The following ELOA2 variants were observed in gnomAD, a reference collection of about 807,000 sequenced individuals.
The protein encoded by ELOA2 is elongin A2, also known as elongin-A2.
For missense variants in ELOA2, 1,271 were observed against 979.7 expected (o/e 1.30, Z -3.97); for synonymous variants, 497 against 398.8 (o/e 1.25, Z -2.94).
Position 47,033,344 on chromosome 18 carries a change from T to C in ELOA2, c.1921A>G (p.Met641Val). The C allele has an allele frequency of 6.2e-7, 1 of 1,613,978 alleles. No homozygotes were observed. Among genetic ancestry groups the C allele is most frequent in the African/African-American group, 1.3e-5 (1 of 75,048 alleles). Residue 641 changes from methionine to valine, a missense_variant, in exon 1 of 1, where the codon ATG becomes GTG. By Grantham distance (21) the Met-to-Val change is conservative (BLOSUM62 1). Coordinates refer to ENST00000332567, the MANE Select transcript of ELOA2 (RefSeq NM_016427.3). ...TTGGCCACAGATTTGAAACAGATCA[T>C]CTTTGCCTCTCTGCCGTTGGGGTTG... ...GNNPNGREAK[M>V]ICFKSVAKTP...
chr18:47,033,781 G>A lies in ELOA2; in HGVS notation c.1484C>T (p.Pro495Leu), dbSNP rs1017205498. The A allele has an allele frequency of 6.2e-7, 1 of 1,614,234 alleles. No homozygotes were observed. The highest frequency in any genetic ancestry group is 8.5e-7 in the Non-Finnish European group (1 of 1,180,044). Residue 495 changes from proline to leucine, a missense_variant, in exon 1 of 1, where the codon CCA becomes CTA. Coordinates refer to ENST00000332567, the MANE Select transcript of ELOA2 (RefSeq NM_016427.3). ...SQAKPEALSS[P>L]KFREEAAFPG... ...GAAAGCAGCTTCCTCCCGGAACTTTGGTGAAGAGAGTGCTTCTGGCTTTGC... is the reference window on the plus strand; with the variant it reads ...GAAAGCAGCTTCCTCCCGGAACTTTAGTGAAGAGAGTGCTTCTGGCTTTGC...
chr18:47,033,718 G>T, the ELOA2 span: 2 of 1,614,186 alleles, frequency 1.2e-6, no homozygotes, highest in South Asian at 2.2e-5. Context: ...CCTGGAGCCC[G>T]AGTACACCGG....
In ELOA2 at chr18:47,034,020, G is replaced by T. The variant is rs767658717; in HGVS notation, c.1245C>A (p.Asn415Lys). 1.9e-6 allele frequency: 3 copies of T among 1,614,158 alleles called. 1 individual carries two copies. The South Asian group carries it at 3.3e-5, about 18-fold the overall frequency. The change falls in exon 1 of 1, where the codon AAC (asparagine) becomes AAA (lysine). Residue 415 changes from asparagine to lysine, a missense_variant. Asn to Lys is a moderately conservative substitution (Grantham distance 94, BLOSUM62 0). Coordinates refer to ENST00000332567, the MANE Select transcript of ELOA2 (RefSeq NM_016427.3). ...AGGACTCACGAGTGCCCTTGGATTC[G>T]TTTGCTTTCCTTTGTTTATCTCCAA... The part of the protein sequence containing the change: ...TALGDKQRKA[N>K]ESKGTRESWD...
Position 47,034,182 on chromosome 18 carries a change from C to T in ELOA2, c.1083G>A (p.Val361=), listed in dbSNP as rs148463243. The T allele has an allele frequency of 8.4e-5, 135 of 1,614,168 alleles. No individual in the cohort carries two copies. Among genetic ancestry groups the T allele is most frequent in the Non-Finnish European group, 1.0e-4 (118 of 1,179,996 alleles). ...PPTAHLDRTS[V]SSLSEVEEVD... is the part of the protein sequence containing the mutation. ...CCTCCTCCACCTCAGAGAGGGAGCT[C>T]ACGGACGTTCTGTCCAAATGAGCAG... is the stretch of plus-strand genomic sequence containing the variant. Residue 361 remains valine, a synonymous_variant, in exon 1 of 1, where the codon GTG becomes GTA. Coordinates refer to ENST00000332567, the MANE Select transcript of ELOA2 (RefSeq NM_016427.3).
chr18:47,035,008 C>T lies in ELOA2; in HGVS notation c.257G>A (p.Gly86Asp), dbSNP rs200315582. Residue 86 changes from glycine to aspartate, a missense_variant, in exon 1 of 1, where the codon GGC becomes GAC. Transcript: ENST00000332567. ...AGCGCTCTCCTCAGGGTCCTGTGGG[C>T]CAGGCCGGGTGTTTCGGTCCACGAG... ...LVLVDRNTRP[G>D]PQDPEESASR... 284 of 1,611,276 alleles carry T rather than the reference C, an allele frequency of 1.8e-4. 2 individuals carry two copies. In the African/African-American group the frequency reaches 2.7e-3, roughly 15 times the overall value.
In ELOA2 at chr18:47,034,981, G is replaced by T. The variant is rs1569056446; in HGVS notation, c.284C>A (p.Ser95Tyr). 2.5e-6 allele frequency: 4 copies of T among 1,611,640 alleles called. No individual in the cohort carries two copies. Among genetic ancestry groups the T allele is most frequent in the Admixed American group, 1.7e-5 (1 of 59,996 alleles). Residue 95 changes from serine (S) to tyrosine (Y), a missense_variant, in exon 1 of 1, where the codon TCC (serine) becomes TAC (tyrosine). Transcript: ENST00000332567. Reference sequence around the variant, plus strand: ...AAGAGCCTCCCCGAAGCGCTGTCGGGAAGCGCTCTCCTCAGGGTCCTGTGG... The same window carrying T: ...AAGAGCCTCCCCGAAGCGCTGTCGGTAAGCGCTCTCCTCAGGGTCCTGTGG... ...PGPQDPEESA[S>Y]RQRFGEALQD...
In ELOA2 at chr18:47,033,515, A is replaced by C. The variant is rs1441056731; in HGVS notation, c.1750T>G (p.Leu584Val). The C allele has an allele frequency of 7.4e-6, 12 of 1,614,000 alleles. No homozygotes were observed. The highest frequency in any genetic ancestry group is 8.5e-6 in the Non-Finnish European group (10 of 1,180,010). The change falls in exon 1 of 1, where the codon TTA becomes GTA. Residue 584 changes from leucine to valine, a missense_variant. Physicochemically the swap from Leu to Val is conservative, Grantham distance 32. Transcript: ENST00000332567. ...TCCTGGAAACAATGATTCCTCCGTA[A>C]TTCGTCTGTCTCTCTAACGAGTGCG... ...NHALVRETDE[L>V]RRNHCFQDFK...
At position 47,035,344 on chromosome 18, in the gene ELOA2, G is replaced by A; in HGVS notation, c.-80C>T. On this transcript the variant is annotated 5_prime_UTR_variant, in exon 1 of 1. Transcript: ENST00000332567. ...GGCTGCGGGACAGGAAGTCTGGGGT[G>A]GCCGGTCCTCGCTGCCCGGTCGCCA... is the stretch of plus-strand genomic sequence containing the variant. 1 of 1,601,772 alleles carries A rather than the reference G, an allele frequency of 6.2e-7. No homozygotes were observed. The highest frequency in any genetic ancestry group is 8.5e-7 in the Non-Finnish European group (1 of 1,173,452).
rs1293564294 is a variant in ELOA2, at chr18:47,033,547, T to C, written c.1718A>G (p.Asp573Gly). Reference protein sequence around the residue: ...RPDQLYRRKKDNHALVRETDE... With the variant: ...RPDQLYRRKKGNHALVRETDE... ...TGTCTCTCTAACGAGTGCGTGATTG[T>C]CTTTCTTTCTGCGATACAGCTGATC... The change falls in exon 1 of 1, where the codon GAC (aspartate) becomes GGC (glycine). Residue 573 changes from aspartate (D) to glycine (G), a missense_variant. Physicochemically the swap from Asp to Gly is moderately conservative, Grantham distance 94 (BLOSUM62 -1). Transcript: ENST00000332567. The C allele has an allele frequency of 6.2e-7, 1 of 1,612,552 alleles. No individual in the cohort carries two copies. The highest frequency in any genetic ancestry group is 1.7e-5 in the Admixed American group (1 of 60,024).
chr18:47,032,663 GA>G lies in ELOA2; in HGVS notation c.*339del, dbSNP rs60364237. On this transcript the variant is annotated 3_prime_UTR_variant, in exon 1 of 1. Transcript: ENST00000332567. ...AAGAAGTTCTTATCTACTTGATTTCGAAAAAAAAAAGAAAGGAAAAAGGAAA... is the reference window on the plus strand; with the variant it reads ...AAGAAGTTCTTATCTACTTGATTTCGAAAAAAAAAGAAAGGAAAAAGGAAA... The G allele has an allele frequency of 0.053, 17,490 of 328,850 alleles. 466 individuals are homozygous for G. Among genetic ancestry groups the G allele is most frequent in the Non-Finnish European group, 0.069 (12,446 of 181,596 alleles). 20.4% of individuals were successfully genotyped at this position (328,850 alleles called of 1,614,324 possible). A position where few individuals can be genotyped will look rare whatever the true frequency, so the allele number is the denominator to read the frequency against.
the ELOA2 span, chr18:47,034,098 G>C: frequency 6.2e-7 from 1 of 1,614,198 alleles, no homozygotes; most frequent in Non-Finnish European, 8.5e-7. Flanking sequence ...GCAACTGATC[G>C]TAGGTGAGGT....
chr18:47,035,382 G>A lies in ELOA2; in HGVS notation c.-118C>T. On this transcript the variant is annotated 5_prime_UTR_variant, in exon 1 of 1. An upstream open reading frame in the 5' UTR gains an earlier in-frame stop. Transcript: ENST00000332567. ...TGCCCGGTCGCCAGGCAGCGACCTC[G>A]GGATGTGGAGTCACAGCCTGGAGCG... 1 of 1,540,752 alleles carries A rather than the reference G, an allele frequency of 6.5e-7. No individual in the cohort carries two copies. The highest frequency in any genetic ancestry group is 8.7e-7 in the Non-Finnish European group (1 of 1,144,044).
Position 47,034,636 on chromosome 18 carries a change from C to T in ELOA2, c.629G>A (p.Gly210Asp), listed in dbSNP as rs201942488. The stretch of plus-strand genomic sequence containing the variant: ...TTTCCCCTGGGGTTGGCCCTGGCAG[C>T]CTGGACACAGCAGAGGCCCGCCCTG... ...AAQGGPLLCP[G>D]CQGQPQGKAV... Residue 210 changes from glycine to aspartate, a missense_variant, in exon 1 of 1, where the codon GGC (glycine) becomes GAC (aspartate). Physicochemically the swap from Gly to Asp is moderately conservative, Grantham distance 94. Transcript: ENST00000332567. 677 of 1,613,948 alleles carry T rather than the reference C, an allele frequency of 4.2e-4. 2 individuals are homozygous for T. The highest frequency in any genetic ancestry group is 4.0e-4 in the South Asian group (36 of 91,086).
chr18:47,033,181 C>G lies in ELOA2; in HGVS notation c.2084G>C (p.Arg695Thr). Residue 695 changes from arginine to threonine, a missense_variant, in exon 1 of 1, where the codon AGA (arginine) becomes ACA (threonine). Coordinates refer to ENST00000332567, the MANE Select transcript of ELOA2 (RefSeq NM_016427.3). ...GCGAAGGATGCTGCTGCTGCTGTCT[C>G]TGCCACCGCCGCTGCTGCTCTGGCT... ...PSSQSSSGGG[R>T]DSSSSILRWL... 6.2e-7 allele frequency: 1 copy of G among 1,614,046 alleles called. No homozygotes were observed. Among genetic ancestry groups the G allele is most frequent in the Non-Finnish European group, 8.5e-7 (1 of 1,179,986 alleles).
chr18:47,034,832 T>A lies in ELOA2; in HGVS notation c.433A>T (p.Arg145Trp), dbSNP rs746052147. The stretch of plus-strand genomic sequence containing the variant: ...GCTCTGGGCTCGCGACTGTGAGACC[T>A]CGGGTGAGGTCTCTGTTGCCCCGGA... ...TPPGQQRPHP[R>W]SHSREPRAER... is the part of the protein sequence containing the mutation. The change falls in exon 1 of 1, where the codon AGG (arginine) becomes TGG (tryptophan). Residue 145 changes from arginine to tryptophan, a missense_variant. Coordinates refer to ENST00000332567, the MANE Select transcript of ELOA2 (RefSeq NM_016427.3). 1.9e-6 allele frequency: 3 copies of A among 1,612,080 alleles called. No homozygotes were observed. The South Asian group carries it at 3.3e-5, about 18-fold the overall frequency.
Position 47,033,149 on chromosome 18 carries a change from G to A in ELOA2, c.2116C>T (p.Pro706Ser), listed in dbSNP as rs765831931. ...AGGCAGGGGTTGGCCCGCTTCTCAG[G>A]GAGCCAGCGAAGGATGCTGCTGCTG... The part of the protein sequence containing the change: ...DSSSSILRWL[P>S]EKRANPCLSS... The change falls in exon 1 of 1, where the codon CCT (proline) becomes TCT (serine). Residue 706 changes from proline to serine, a missense_variant. By Grantham distance (74) the Pro-to-Ser change is moderately conservative. Coordinates refer to ENST00000332567, the MANE Select transcript of ELOA2 (RefSeq NM_016427.3). The A allele has an allele frequency of 8.1e-6, 13 of 1,613,954 alleles. No individual in the cohort carries two copies. The highest frequency in any genetic ancestry group is 1.0e-5 in the Non-Finnish European group (12 of 1,180,044).
chr18:47,034,654 C>T lies in ELOA2; in HGVS notation c.611G>A (p.Gly204Glu), dbSNP rs767836630. 10 of 1,613,626 alleles carry T rather than the reference C, an allele frequency of 6.2e-6. No individual in the cohort carries two copies. The Admixed American group carries it at 1.3e-4, about 22-fold the overall frequency. ...GRGHTHAAQG[G>E]PLLCPGCQGQ... Reference sequence around the variant, plus strand: ...CTGGCAGCCTGGACACAGCAGAGGCCCGCCCTGAGCCGCGTGAGTGTGGCC... The same window carrying T: ...CTGGCAGCCTGGACACAGCAGAGGCTCGCCCTGAGCCGCGTGAGTGTGGCC... The change falls in exon 1 of 1, where the codon GGG (glycine) becomes GAG (glutamate). Residue 204 changes from glycine to glutamate, a missense_variant. By Grantham distance (98) the Gly-to-Glu change is moderately conservative (BLOSUM62 -2). Transcript: ENST00000332567.
rs1337256009 is a variant in ELOA2, at chr18:47,034,180, C to T, written c.1085G>A (p.Ser362Asn). 3 of 1,614,190 alleles carry T rather than the reference C, an allele frequency of 1.9e-6. No individual in the cohort carries two copies. The highest frequency in any genetic ancestry group is 4.5e-5 in the East Asian group (2 of 44,876). Residue 362 changes from serine (S) to asparagine (N), a missense_variant, in exon 1 of 1, where the codon AGC becomes AAC. Transcript: ENST00000332567. ...TACCTCCTCCACCTCAGAGAGGGAG[C>T]TCACGGACGTTCTGTCCAAATGAGC... Reference protein sequence around the residue: ...PTAHLDRTSVSSLSEVEEVDM... With the variant: ...PTAHLDRTSVNSLSEVEEVDM...
rs927091778 is a variant in ELOA2 at position 47,032,775 on chromosome 18, T to C, written c.*228A>G. 7.0e-6 allele frequency: 5 copies of C among 718,010 alleles called. No homozygotes were observed. Among genetic ancestry groups the C allele is most frequent in the Non-Finnish European group, 1.1e-5 (5 of 443,668 alleles). The allele number at this position is 718,010 out of a possible 1,614,324, so 44.5% of individuals were successfully genotyped here. ...ACATCCAAAATAGAATTGTTCCCAA[T>C]GCGTTCATATCTTCTGAATTCTGAG... On this transcript the variant is annotated 3_prime_UTR_variant, in exon 1 of 1. Transcript: ENST00000332567.
Sources: gnomAD v4.1 joint callset for allele counts on GRCh38, gnomAD v4.1.1 for gene constraint, MANE v1.5 for transcripts, NCBI Gene and HGNC (gene_info 2026-07-23, HGNC 2026-07-21) for gene names.